The following BMF variants were observed in gnomAD, a reference collection of about 807,000 sequenced individuals.
The protein encoded by BMF is Bcl2 modifying factor.
BMF carries 10 observed loss-of-function variants against 22.0 expected under a neutral mutation model. The ratio of observed to expected loss-of-function variants is 0.45; its 90% confidence interval spans 0.28 to 0.77. The LOEUF (loss-of-function observed/expected upper bound fraction) is 0.77. BMF is among the 30% of genes least tolerant of loss of function. The pLI, the probability that BMF is intolerant of heterozygous loss-of-function variation, is 0.13. For synonymous variants in BMF, 87 were observed against 88.1 expected, an observed-to-expected ratio of 0.99 and a Z score of 0.07; for missense variants, 206 against 226.8, an observed-to-expected ratio of 0.91 and a Z score of 0.59.
rs539193424 is a variant in BMF, at chr15:40,091,780, C to G, written c.*7G>C. 1 of 1,596,652 alleles carries G rather than the reference C, an allele frequency of 6.3e-7. No individual in the cohort carries two copies. Among genetic ancestry groups the G allele is most frequent in the South Asian group, 1.1e-5 (1 of 88,732 alleles). On this transcript the variant is annotated 3_prime_UTR_variant, in exon 5 of 5. Transcript: ENST00000354670. ...CTGGTGCCCCATGTGAAGAGGGCAG[C>G]CCACCCTCACCTAGGGCCTGCCCCG... is the stretch of plus-strand genomic sequence containing the variant.
rs1460554968 is a variant in BMF, at chr15:40,104,093, C to A, written c.453+87G>T. The A allele has an allele frequency of 8.5e-6, 13 of 1,536,622 alleles. No individual in the cohort carries two copies. The East Asian group carries it at 2.9e-4, about 35-fold the overall frequency. ...CAATATCCTTGAGGTCTGGCAGAGACAGAGTTGCTGACAAGAGGAGAGAGG... is the reference window on the plus strand; with the variant it reads ...CAATATCCTTGAGGTCTGGCAGAGAAAGAGTTGCTGACAAGAGGAGAGAGG... On this transcript the variant is annotated intron_variant, in intron 4 of 4. Transcript: ENST00000354670.
chr15:40,091,985 C>T (rs190411193), intron 4 of BMF, 97 bp from the exon 5 acceptor site: 33 of 924,008 alleles, frequency 3.6e-5, no homozygotes, highest in Middle Eastern at 3.0e-4. Context: ...CTCCAAGTCT[C>T]ACGGCTGGCA....
Position 40,088,636 on chromosome 15 carries a change from C to G in BMF, c.*3151G>C, listed in dbSNP as rs1049718858. On this transcript the variant is annotated 3_prime_UTR_variant, in exon 5 of 5. Coordinates refer to ENST00000354670, the MANE Select transcript of BMF (RefSeq NM_001003940.2). ...TGAACCATCCCGAATAACCCCCAGG[C>G]AGGGGCCACCTGCCGATGGGGCTGG... 6.6e-6 allele frequency: 1 copy of G among 152,446 alleles called. No homozygotes were observed. The highest frequency in any genetic ancestry group is 2.4e-5 in the African/African-American group (1 of 41,476). 9.4% of individuals were successfully genotyped at this position (152,446 alleles called of 1,614,324 possible).
Position 40,106,517 on chromosome 15 carries a change from A to AACACACGCACACAC in BMF, c.-5-427_-5-426insGTGTGTGCGTGTGT, listed in dbSNP as rs2036590820. The AACACACGCACACAC allele has an allele frequency of 7.4e-6, 1 of 135,956 alleles. No individual in the cohort carries two copies. 8.4% of individuals were successfully genotyped at this position (135,956 alleles called of 1,614,324 possible). On this transcript the variant is annotated intron_variant, in intron 2 of 4. Coordinates refer to ENST00000354670, the MANE Select transcript of BMF (RefSeq NM_001003940.2). This position sits in a 1 kb window ranked among gnomAD's most constrained non-coding sequence, Gnocchi z 4.1. The stretch of plus-strand genomic sequence containing the variant: ...GACTGGCTATACATACAGTGCTCAC[A>AACACACGCACACAC]ACACACACACACACACACACACACA...
At chr15:40,098,083 C>T (rs761258568) in intron 4 of BMF, among the ~76,000 whole-genome samples, 2 of 152,232 alleles carry the variant, frequency 1.3e-5, no homozygotes, top group Non-Finnish European at 2.9e-5. Flanking sequence ...GACTCCTTGC[C>T]AAGAGCTTCC....
In BMF at chr15:40,090,230, C is replaced by A. The variant is rs2036206947; in HGVS notation, c.*1557G>T. ...CTGCACAACTGTACATCCAGAAGAT[C>A]AATGTCTCCTTCAATAGTACTGAAG... On this transcript the variant is annotated 3_prime_UTR_variant, in exon 5 of 5. Transcript: ENST00000354670. The A allele has an allele frequency of 6.6e-6, 1 of 152,618 alleles. No individual in the cohort carries two copies. Among genetic ancestry groups the A allele is most frequent in the African/African-American group, 2.4e-5 (1 of 41,440 alleles). The allele number at this position is 152,618 out of a possible 1,614,324, so 9.5% of individuals were successfully genotyped here. A position where few individuals can be genotyped will look rare whatever the true frequency, so the allele number is the denominator to read the frequency against.
chr15:40,095,450 A>T (rs540112943), intron 4 of BMF, among the ~76,000 whole-genome samples: 1 of 152,162 alleles, frequency 6.6e-6, no homozygotes, highest in Non-Finnish European at 1.5e-5. Context: ...GAGGGTGTGG[A>T]GGAGAAGGGG....
At chr15:40,097,362 G>A (rs1235526328) in intron 4 of BMF, among the ~76,000 whole-genome samples, 2 of 152,214 alleles carry the variant, frequency 1.3e-5, no homozygotes, top group African/African-American at 2.4e-5. Flanking sequence ...TGGATACAAA[G>A]ATGATTAAAA....
At chr15:40,095,863 C>T (rs1479671735) in intron 4 of BMF, among the ~76,000 whole-genome samples, 1 of 152,204 alleles carries the variant, frequency 6.6e-6, no homozygotes, top group Non-Finnish European at 1.5e-5. Context: ...CATTTTCTTG[C>T]CACGGACAGG....
intron 4 of BMF, among the ~76,000 whole-genome samples, chr15:40,097,214 CCCAACTGAGCTACCAAGCA>C (rs2036382921): frequency 2.0e-5 from 3 of 150,460 alleles, no homozygotes; most frequent in Non-Finnish European, 4.4e-5. Context: ...CTACCAAGCA[CCCAACTGAGCTACCAAGCA>C]CCTAACTGAG....
At position 40,104,218 on chromosome 15, in the gene BMF, A is replaced by G; in HGVS notation, c.415T>C (p.Cys139Arg). ...AGCCGGTGGAACTGGTCTGCAATGCACTGAAGCTTTCGGGCAATCTGTACC... is the reference window on the plus strand; with the variant it reads ...AGCCGGTGGAACTGGTCTGCAATGCGCTGAAGCTTTCGGGCAATCTGTACC... ...AEVQIARKLQCIADQFHRLHV... is the reference protein window; with the variant it reads ...AEVQIARKLQRIADQFHRLHV... The change falls in exon 4 of 5, where the codon TGC becomes CGC. Residue 139 changes from cysteine (C) to arginine (R), a missense_variant. By Grantham distance (180) the Cys-to-Arg change is radical (BLOSUM62 -3). Transcript: ENST00000354670. 6.2e-7 allele frequency: 1 copy of G among 1,614,162 alleles called. No individual in the cohort carries two copies. The highest frequency in any genetic ancestry group is 8.5e-7 in the Non-Finnish European group (1 of 1,180,022).
At chr15:40,100,456 C>T (rs1417513457) in intron 4 of BMF, among the ~76,000 whole-genome samples, 2 of 152,218 alleles carry the variant, frequency 1.3e-5, no homozygotes, top group Non-Finnish European at 2.9e-5. Context: ...AACAGGGGAA[C>T]CTTCACTCCT....
chr15:40,091,521 C>T lies in BMF; in HGVS notation c.*266G>A. On this transcript the variant is annotated 3_prime_UTR_variant, in exon 5 of 5. Transcript: ENST00000354670. ...AGTCGAAGAATCTACTTGTCAGAGC[C>T]CTTGGGAATTCTCACCATCACAGAC... is the stretch of plus-strand genomic sequence containing the variant. The T allele has an allele frequency of 2.7e-6, 1 of 374,194 alleles. No homozygotes were observed. Among genetic ancestry groups the T allele is most frequent in the Non-Finnish European group, 4.8e-6 (1 of 207,468 alleles). The allele number at this position is 374,194 out of a possible 1,614,324, so 23.2% of individuals were successfully genotyped here.
rs961629616 is a variant in BMF, at chr15:40,106,407, G to C, written c.-5-316C>G. On this transcript the variant is annotated intron_variant, in intron 2 of 4. Coordinates refer to ENST00000354670, the MANE Select transcript of BMF (RefSeq NM_001003940.2). The surrounding 1 kb of genome is among the most constrained non-coding windows in gnomAD (Gnocchi z 4.1). ...CTGAGGGTTGTGAGCAATAGCAGGA[G>C]TAGAATCAGCAGCTATATGCATGCA... 1 of 279,886 alleles carries C rather than the reference G, an allele frequency of 3.6e-6. No individual in the cohort carries two copies. Among genetic ancestry groups the C allele is most frequent in the African/African-American group, 2.2e-5 (1 of 45,772 alleles). The allele number at this position is 279,886 out of a possible 1,614,324, so 17.3% of individuals were successfully genotyped here. A position where few individuals can be genotyped will look rare whatever the true frequency, so the allele number is the denominator to read the frequency against.
intron 4 of BMF, among the ~76,000 whole-genome samples, chr15:40,096,340 TG>T (rs2036360530): frequency 6.6e-6 from 1 of 152,086 alleles, no homozygotes; most frequent in Non-Finnish European, 1.5e-5. Context: ...TCATACCCTC[TG>T]GGGGCTCTGT....
chr15:40,105,989 T>C lies in BMF; in HGVS notation c.98A>G (p.Asp33Gly). The C allele has an allele frequency of 1.2e-6, 2 of 1,613,928 alleles. No homozygotes were observed. Among genetic ancestry groups the C allele is most frequent in the Non-Finnish European group, 1.7e-6 (2 of 1,179,984 alleles). ...GTCCAGTAGGCTCTGGGCAAACAGGTCAGCAGAGAGCAAGCTCCCGGGTTG... is the reference window on the plus strand; with the variant it reads ...GTCCAGTAGGCTCTGGGCAAACAGGCCAGCAGAGAGCAAGCTCCCGGGTTG... ...VTQPGSLLSADLFAQSLLDCP... is the reference protein window; with the variant it reads ...VTQPGSLLSAGLFAQSLLDCP... Residue 33 changes from aspartate (D) to glycine (G), a missense_variant, in exon 3 of 5, where the codon GAC becomes GGC. Physicochemically the swap from Asp to Gly is moderately conservative, Grantham distance 94 (BLOSUM62 -1). Coordinates refer to ENST00000354670, the MANE Select transcript of BMF (RefSeq NM_001003940.2).
rs544313187 is a variant in BMF, at chr15:40,089,738, G to C, written c.*2049C>G. On this transcript the variant is annotated 3_prime_UTR_variant, in exon 5 of 5. Transcript: ENST00000354670. Reference sequence around the variant, plus strand: ...TTTGGTGTGTGCCACTGAAGCATACGGCAGCAGGCTGCCTGTCACCACCTT... The same window carrying C: ...TTTGGTGTGTGCCACTGAAGCATACCGCAGCAGGCTGCCTGTCACCACCTT... 6.6e-6 allele frequency: 1 copy of C among 152,328 alleles called. No individual in the cohort carries two copies. Among genetic ancestry groups the C allele is most frequent in the South Asian group, 2.1e-4 (1 of 4,820 alleles). 9.4% of individuals were successfully genotyped at this position (152,328 alleles called of 1,614,324 possible). A position where few individuals can be genotyped will look rare whatever the true frequency, so the allele number is the denominator to read the frequency against.
At chr15:40,102,114 G>A (rs1309883379) in intron 4 of BMF, among the ~76,000 whole-genome samples, 1 of 152,148 alleles carries the variant, frequency 6.6e-6, no homozygotes, top group Non-Finnish European at 1.5e-5. Context: ...TCTGAACTGG[G>A]AGAAGTGATG....
At chr15:40,105,461 C>T (rs60219486) in intron 3 of BMF, among the ~76,000 whole-genome samples, 2,049 of 152,288 alleles carry the variant, frequency 0.013, 47 homozygotes, top group African/African-American at 0.047. Flanking sequence ...AGTCACAGAT[C>T]CCCCAGACTT....
Sources: allele counts gnomAD v4.1 joint callset (sites outside exome capture counted in the v4.1 genomes callset), GRCh38; gene constraint gnomAD v4.1.1; non-coding constraint Gnocchi (gnomAD v3.1); transcripts MANE v1.5; gene names NCBI Gene and HGNC (gene_info 2026-07-23, HGNC 2026-07-21).